Variants in NUDCD1 observed in about 807,000 individuals in gnomAD.
NUDCD1 encodes nudC domain-containing protein 1.
In NUDCD1, 60 loss-of-function variants were observed where a neutral mutation model predicts 67.8. The ratio of observed to expected loss-of-function variants is 0.88; its 90% CI spans 0.72 to 1.10. The LOEUF (loss-of-function observed/expected upper bound fraction) is 1.10, where lower values mean the gene tolerates loss of function less well. Among genes scored for constraint, NUDCD1 ranks in the 50% least tolerant of loss-of-function variants. The pLI is 0.00. For missense variants in NUDCD1, 643 were observed against 695.0 expected (o/e 0.93, Z 0.84); for synonymous variants, 244 against 230.8 (o/e 1.06, Z -0.52).
intron 8 of NUDCD1, among the ~76,000 whole-genome samples, chr8:109,251,588 T>C (rs1279553397): frequency 1.3e-5 from 2 of 152,200 alleles, no homozygotes; most frequent in Non-Finnish European, 2.9e-5. Flanking sequence ...TGGTTACACT[T>C]TAGTGTCTTT....
At chr8:109,313,328 T>C (rs1330387486) in intron 2 of NUDCD1, among the ~76,000 whole-genome samples, 1 of 152,170 alleles carries the variant, frequency 6.6e-6, no homozygotes, top group Non-Finnish European at 1.5e-5. Context: ...GGATTAATAA[T>C]ACTGACATAA....
chr8:109,245,761 C>T (rs567510225), intron 8 of NUDCD1, among the ~76,000 whole-genome samples: 1 of 152,256 alleles, frequency 6.6e-6, no homozygotes, highest in African/African-American at 2.4e-5. Context: ...AGTCTATGTT[C>T]TTAATCACCA....
At position 109,333,849 on chromosome 8, in the gene NUDCD1, A is replaced by G. The variant is rs772431715; in HGVS notation, c.118+44T>C. ...GGAAGGGTCAGGCCGGAGGCAGCCGAAAGGGGAAAGGAACGGAGTACGAAG... is the reference window on the plus strand; with the variant it reads ...GGAAGGGTCAGGCCGGAGGCAGCCGGAAGGGGAAAGGAACGGAGTACGAAG... On this transcript the variant is annotated intron_variant, in intron 1 of 9. Coordinates refer to ENST00000239690, the MANE Select transcript of NUDCD1 (RefSeq NM_032869.4). The G allele has an allele frequency of 3.7e-6, 6 of 1,607,232 alleles. No homozygotes were observed. In the East Asian group the frequency reaches 1.3e-4, roughly 36 times the overall value.
chr8:109,296,822 A>C (rs1176685677), intron 2 of NUDCD1, among the ~76,000 whole-genome samples: 6 of 152,208 alleles, frequency 3.9e-5, no homozygotes, highest in Admixed American at 2.6e-4. Context: ...CTTGGATCAC[A>C]CATTCTGAGG....
At chr8:109,252,337 A>AACACACCCCTTTAATCCAATTC (rs1224200893) in intron 8 of NUDCD1, among the ~76,000 whole-genome samples, 2 of 152,008 alleles carry the variant, frequency 1.3e-5, no homozygotes, top group African/African-American at 4.8e-5. Context: ...AGGCATAGAG[A>AACACACCCCTTTAATCCAATTC]TGGTGTTTTG....
intron 5 of NUDCD1, among the ~76,000 whole-genome samples, chr8:109,288,518 A>G (rs1814625522): frequency 2.0e-5 from 3 of 152,308 alleles, no homozygotes; most frequent in Middle Eastern, 6.8e-3. Context: ...TGAGAAAACC[A>G]AGGTATTAAA....
intron 1 of NUDCD1, among the ~76,000 whole-genome samples, chr8:109,323,914 T>C (rs1332555031): frequency 6.6e-6 from 1 of 152,102 alleles, no homozygotes; most frequent in African/African-American, 2.4e-5. Context: ...TCTCTCATCA[T>C]ATGCAAAAAT....
chr8:109,270,382 C>A (rs1281508533), intron 8 of NUDCD1, among the ~76,000 whole-genome samples: 1 of 150,098 alleles, frequency 6.7e-6, no homozygotes, highest in Non-Finnish European at 1.5e-5. Flanking sequence ...TAATAATGAT[C>A]AAACAAAAGT....
intron 1 of NUDCD1, among the ~76,000 whole-genome samples, chr8:109,329,596 T>C (rs544241595): frequency 6.6e-6 from 1 of 152,298 alleles, no homozygotes; most frequent in African/African-American, 2.4e-5. Flanking sequence ...CAACCTAGAA[T>C]GCAGAAGGAG....
At chr8:109,287,766 C>T (rs1814609742) in intron 5 of NUDCD1, among the ~76,000 whole-genome samples, 1 of 151,928 alleles carries the variant, frequency 6.6e-6, no homozygotes, top group African/African-American at 2.4e-5. Context: ...GACATGTACC[C>T]CGTGAATATA....
chr8:109,283,250 A>G (rs1814498312), intron 5 of NUDCD1, among the ~76,000 whole-genome samples: 1 of 152,196 alleles, frequency 6.6e-6, no homozygotes, highest in Non-Finnish European at 1.5e-5. Context: ...AAAATAAAGA[A>G]AAAAGAATTT....
chr8:109,254,370 A>T (rs1353236891), intron 8 of NUDCD1, among the ~76,000 whole-genome samples: 1 of 152,292 alleles, frequency 6.6e-6, no homozygotes, highest in Non-Finnish European at 1.5e-5. Flanking sequence ...AATACATTTT[A>T]GTAAGATTCC....
chr8:109,320,881 C>T (rs1815517831), intron 2 of NUDCD1, among the ~76,000 whole-genome samples: 1 of 152,076 alleles, frequency 6.6e-6, no homozygotes, highest in Non-Finnish European at 1.5e-5. Flanking sequence ...TGTGTTTATA[C>T]TTGCAAAAAA....
chr8:109,263,771 T>C (rs564208569), intron 8 of NUDCD1, among the ~76,000 whole-genome samples: 1 of 152,296 alleles, frequency 6.6e-6, no homozygotes, highest in Admixed American at 6.5e-5. Context: ...CTTAAAACTA[T>C]TTTCATAGTA....
At chr8:109,262,028 C>T (rs951695127) in intron 8 of NUDCD1, among the ~76,000 whole-genome samples, 1 of 152,034 alleles carries the variant, frequency 6.6e-6, no homozygotes, top group Non-Finnish European at 1.5e-5. Flanking sequence ...CAAAAAAAAA[C>T]GTCTTTCAGT....
chr8:109,299,353 G>C (rs898347197), intron 2 of NUDCD1, among the ~76,000 whole-genome samples: 1 of 152,126 alleles, frequency 6.6e-6, no homozygotes, highest in African/African-American at 2.4e-5. Context: ...GGTAGCCTGG[G>C]GCAAGTTCTC....
intron 8 of NUDCD1, among the ~76,000 whole-genome samples, chr8:109,263,072 A>AAAAAAAC: frequency 6.7e-6 from 1 of 150,188 alleles, no homozygotes; most frequent in South Asian, 2.1e-4. Context: ...AAAAAAAAAA[A>AAAAAAAC]AAAAAAACCC....
intron 1 of NUDCD1, among the ~76,000 whole-genome samples, chr8:109,326,093 A>G (rs1815675582): frequency 6.6e-6 from 1 of 152,246 alleles, no homozygotes; most frequent in African/African-American, 2.4e-5. Flanking sequence ...AAGCAGTAAT[A>G]TTAGACAACG....
intron 8 of NUDCD1, among the ~76,000 whole-genome samples, chr8:109,260,659 A>G (rs895316342): frequency 2.0e-5 from 3 of 152,242 alleles, no homozygotes; most frequent in African/African-American, 7.2e-5. Context: ...AGATGGAAAT[A>G]GTATTAAGTA....
Sources: gnomAD v4.1 joint callset for allele counts (sites outside exome capture counted in the v4.1 genomes callset) on GRCh38, gnomAD v4.1.1 for gene constraint, MANE v1.5 for transcripts, NCBI Gene and HGNC (gene_info 2026-07-23, HGNC 2026-07-21) for gene names.